ZYG11B: variants seen among roughly 807,000 people sequenced by gnomAD.
ZYG11B encodes protein zyg-11 homolog B.
In ZYG11B, 36 loss-of-function variants were observed where a neutral mutation model predicts 82.4. That is an observed-to-expected ratio of 0.44 (90% CI 0.33 to 0.58). The LOEUF is 0.58. Ranked by LOEUF, ZYG11B falls within the 20% of genes least tolerant of loss-of-function variation. The pLI is 0.02. For missense variants in ZYG11B, 552 were observed against 895.6 expected (o/e 0.62, Z 4.90); for synonymous variants, 303 against 312.8 (o/e 0.97, Z 0.33).
At chr1:52,808,011 A>G (rs532039289) in intron 10 of ZYG11B, among the ~76,000 whole-genome samples, 36 of 152,322 alleles carry the variant, frequency 2.4e-4, no homozygotes, top group African/African-American at 8.4e-4. Context: ...ATCTGATGTC[A>G]TCATTATCTT....
At position 52,817,765 on chromosome 1, in the gene ZYG11B, GTATATATATGTGTATATATATATATA is replaced by G. The variant is rs1170620250; in HGVS notation, c.2044+1146_2044+1171del. ...CAGAACCACTTTAATAGTAAAGTGT[GTATATATATGTGTATATATATATATA>G]TATATATATATATATATATATATAT... On this transcript the variant is annotated intron_variant, in intron 13 of 13. Coordinates refer to ENST00000294353, the MANE Select transcript of ZYG11B (RefSeq NM_024646.3). 4.5e-3 allele frequency among the ~76,000 whole-genome samples: 271 copies of G among 60,008 alleles called. 3 individuals are homozygous for G. Among genetic ancestry groups the G allele is most frequent in the African/African-American group, 0.024 (265 of 10,998 alleles). 39.4% of individuals were successfully genotyped at this position (60,008 alleles called of 152,430 possible).
rs1165360758 is a variant in ZYG11B at position 52,803,211 on chromosome 1, CATAT to C, written c.1695+1082_1695+1085del. Among the ~76,000 whole-genome samples the C allele has an allele frequency of 3.5e-3, 253 of 73,222 alleles. 15 individuals carry two copies. The highest frequency in any genetic ancestry group is 0.024 in the African/African-American group (235 of 9,936). The allele number at this position is 73,222 out of a possible 152,430, so 48.0% of individuals were successfully genotyped here. ...ATACACATATATATATATACACACA[CATAT>C]ATATATATACACACATATATATATA... On this transcript the variant is annotated intron_variant, in intron 10 of 13. Coordinates refer to ENST00000294353, the MANE Select transcript of ZYG11B (RefSeq NM_024646.3).
intron 5 of ZYG11B, among the ~76,000 whole-genome samples, chr1:52,785,520 G>A (rs763343920): frequency 1.3e-5 from 2 of 152,014 alleles, no homozygotes; most frequent in South Asian, 2.1e-4. Context: ...GCAGTGGCGC[G>A]ATCTCAACTC....
At chr1:52,815,748 C>T (rs1333112200) in intron 12 of ZYG11B, among the ~76,000 whole-genome samples, 9 of 152,068 alleles carry the variant, frequency 5.9e-5, no homozygotes, top group Middle Eastern at 3.2e-3. Flanking sequence ...TCCTGGCTAA[C>T]GTGGTGAAAC....
At chr1:52,817,795 A>ATGTG (rs1558145251) in intron 13 of ZYG11B, among the ~76,000 whole-genome samples, 4 of 49,218 alleles carry the variant, frequency 8.1e-5, no homozygotes, top group Admixed American at 4.4e-4. Context: ...ATATATATAT[A>ATGTG]TATATATATA....
At chr1:52,728,545 A>G (rs1558112892) in intron 1 of ZYG11B, among the ~76,000 whole-genome samples, 1 of 152,258 alleles carries the variant, frequency 6.6e-6, no homozygotes, top group Non-Finnish European at 1.5e-5. Context: ...GGCATGAGCC[A>G]TCACGCCTGG....
chr1:52,802,273 AC>A, intron 10 of ZYG11B, 134 bp downstream of exon 10: 1 of 690,596 alleles, frequency 1.4e-6, no homozygotes, highest in Non-Finnish European at 2.4e-6. Context: ...CTAATTGAGA[AC>A]TATTCCCAAT....
chr1:52,811,806 G>A (rs765148585), intron 10 of ZYG11B, among the ~76,000 whole-genome samples: 9 of 152,086 alleles, frequency 5.9e-5, no homozygotes, highest in Admixed American at 2.0e-4. Flanking sequence ...CAAGGCGGGC[G>A]GATCACGAGG....
chr1:52,776,248 A>ATATATAT (rs1425431576), intron 3 of ZYG11B, among the ~76,000 whole-genome samples: 7 of 94,786 alleles, frequency 7.4e-5, no homozygotes, highest in Non-Finnish European at 1.6e-4. Context: ...ATATATATGC[A>ATATATAT]ATAAAGTTGG....
At chr1:52,747,519 T>C (rs1057349800) in intron 1 of ZYG11B, among the ~76,000 whole-genome samples, 1 of 152,170 alleles carries the variant, frequency 6.6e-6, no homozygotes, top group Admixed American at 6.6e-5. Context: ...TTGGCCCCAC[T>C]TTCTACAGTA....
At chr1:52,744,852 A>G (rs1489886643) in intron 1 of ZYG11B, among the ~76,000 whole-genome samples, 1 of 152,154 alleles carries the variant, frequency 6.6e-6, no homozygotes, top group African/African-American at 2.4e-5. Flanking sequence ...AAAAAAAAAT[A>G]TATTTCTAGA....
intron 10 of ZYG11B, among the ~76,000 whole-genome samples, chr1:52,812,058 C>T (rs1162603248): frequency 6.6e-6 from 1 of 151,834 alleles, no homozygotes; most frequent in Non-Finnish European, 1.5e-5. Flanking sequence ...TTAGGTCTTT[C>T]TTATGTCTTC....
At chr1:52,741,207 A>C (rs1204729928) in intron 1 of ZYG11B, among the ~76,000 whole-genome samples, 1 of 144,392 alleles carries the variant, frequency 6.9e-6, no homozygotes, top group Admixed American at 7.3e-5. Flanking sequence ...CTAAGGCAGG[A>C]GTATTGCTTG....
At chr1:52,726,729 G>C (rs1558112189) in intron 1 of ZYG11B, 46 bp downstream of exon 1, 1 of 1,436,456 alleles carries the variant, frequency 7.0e-7, no homozygotes, top group Admixed American at 2.8e-5. Flanking sequence ...CGCCACCCTA[G>C]CCCCCGCCCG....
chr1:52,815,990 C>T (rs1434660507), intron 12 of ZYG11B, among the ~76,000 whole-genome samples: 1 of 152,040 alleles, frequency 6.6e-6, no homozygotes, highest in African/African-American at 2.4e-5. Context: ...GGATGCCTAA[C>T]TCTGTTTGTA....
chr1:52,802,202 A>G (rs1645080536), intron 10 of ZYG11B, 63 bp downstream of exon 10: 7 of 1,532,122 alleles, frequency 4.6e-6, no homozygotes, highest in Non-Finnish European at 6.2e-6. Flanking sequence ...GAAGTAACAC[A>G]TTGAAAGTTG....
intron 6 of ZYG11B, among the ~76,000 whole-genome samples, chr1:52,792,412 C>G (rs1450224537): frequency 1.3e-5 from 2 of 152,158 alleles, no homozygotes; most frequent in Admixed American, 6.5e-5. Flanking sequence ...GTATGAAGCA[C>G]TTACTACTGC....
chr1:52,739,754 C>T (rs1260957286), intron 1 of ZYG11B, among the ~76,000 whole-genome samples: 1 of 151,786 alleles, frequency 6.6e-6, no homozygotes, highest in African/African-American at 2.4e-5. Context: ...CCCAGGCGCC[C>T]ACCCCCATGC....
At chr1:52,794,388 C>G (rs1299112283) in intron 6 of ZYG11B, among the ~76,000 whole-genome samples, 2 of 152,106 alleles carry the variant, frequency 1.3e-5, no homozygotes, top group Non-Finnish European at 2.9e-5. Flanking sequence ...CAGAAATGGC[C>G]TTGGAAACAG....
Sources: allele counts gnomAD v4.1 joint callset (sites outside exome capture counted in the v4.1 genomes callset), GRCh38; gene constraint gnomAD v4.1.1; transcripts MANE v1.5; gene names NCBI Gene and HGNC (gene_info 2026-07-23, HGNC 2026-07-21).